VSTM2A: variants seen among roughly 807,000 people sequenced by gnomAD.
The protein encoded by VSTM2A is V-set and transmembrane domain containing 2A, also known as V-set and transmembrane domain-containing protein 2A.
Under a neutral mutation model 27.3 loss-of-function variants are expected in VSTM2A, and 13 were observed. The ratio of observed to expected loss-of-function variants is 0.48; its 90% CI spans 0.31 to 0.76. The LOEUF is 0.76. VSTM2A is among the 30% of genes least tolerant of loss of function. The pLI is 0.05. For missense variants in VSTM2A, 280 were observed against 310.0 expected, an observed-to-expected ratio of 0.90 and a Z score of 0.73; for synonymous variants, 142 against 125.7, an observed-to-expected ratio of 1.13 and a Z score of -0.87.
At chr7:54,552,184 A>G (rs551531320) in intron 4 of VSTM2A, 3 of 152,318 alleles carry the variant, frequency 2.0e-5, no homozygotes, top group African/African-American at 7.2e-5. Context: ...AAAGTGACTC[A>G]TGAAGTCTAT....
intron 4 of VSTM2A, among the ~76,000 whole-genome samples, chr7:54,562,970 CTT>C (rs1262314710): frequency 3.3e-5 from 5 of 152,160 alleles, no homozygotes; most frequent in Non-Finnish European, 1.5e-5. Context: ...TTTAGCAACA[CTT>C]GTCTATATAT....
chr7:54,550,206 C>T (rs556207589), intron 4 of VSTM2A, 36 bp downstream of exon 4: 3 of 1,559,308 alleles, frequency 1.9e-6, no homozygotes, highest in African/African-American at 2.7e-5. Context: ...TATTTTACCA[C>T]TCACAAACGC....
chr7:54,545,124 G>A (rs1453939353), intron 2 of VSTM2A, among the ~76,000 whole-genome samples: 1 of 152,036 alleles, frequency 6.6e-6, no homozygotes, highest in African/African-American at 2.4e-5. Flanking sequence ...AGGACGAAAG[G>A]AGGGGGAGGG....
At position 54,544,676 on chromosome 7, in the gene VSTM2A, A is replaced by T; in HGVS notation, c.134A>T (p.Glu45Val). 1 of 1,612,936 alleles carries T rather than the reference A, an allele frequency of 6.2e-7. No homozygotes were observed. Among genetic ancestry groups the T allele is most frequent in the Non-Finnish European group, 8.5e-7 (1 of 1,179,846 alleles). Residue 45 changes from glutamate (E) to valine (V), a missense_variant, in exon 2 of 5, where the codon GAG (glutamate) becomes GTG (valine). Coordinates refer to ENST00000402613, the MANE Select transcript of VSTM2A (RefSeq NM_001301009.2). ...ACGGCGACCGAGGGGCAGAATGTGG[A>T]GATGTCCTGCGCCTTCCAGAGCGGC... ...NVTATEGQNVEMSCAFQSGSA... is the reference protein window; with the variant it reads ...NVTATEGQNVVMSCAFQSGSA...
intron 2 of VSTM2A, 185 bp from the exon 3 acceptor site, chr7:54,546,762 T>C: frequency 1.7e-6 from 1 of 589,738 alleles, no homozygotes. Context: ...CAGCGTGGGG[T>C]ATGCCAGGGA....
intron 3 of VSTM2A, among the ~76,000 whole-genome samples, chr7:54,547,398 A>G (rs939546104): frequency 3.9e-5 from 6 of 152,206 alleles, no homozygotes; most frequent in Admixed American, 2.6e-4. Context: ...ATCCAACAGG[A>G]TACTGAAATT....
chr7:54,553,871 T>C lies in VSTM2A; in HGVS notation c.634+3701T>C, dbSNP rs761103626. ...GTTTCTTCCTGTCTCATCCAGTGTC[T>C]CCAATCCTTCCAGAAGTCAAACATC... On this transcript the variant is annotated intron_variant, in intron 4 of 4. Coordinates refer to ENST00000402613, the MANE Select transcript of VSTM2A (RefSeq NM_001301009.2). 9.0e-6 allele frequency: 14 copies of C among 1,551,238 alleles called. No homozygotes were observed. The South Asian group carries it at 1.7e-4, about 18-fold the overall frequency.
rs1787826051 is a variant in VSTM2A at position 54,542,790 on chromosome 7, A to G, written c.60A>G (p.Gln20=). 6.2e-7 allele frequency: 1 copy of G among 1,613,732 alleles called. No homozygotes were observed. Among genetic ancestry groups the G allele is most frequent in the Non-Finnish European group, 8.5e-7 (1 of 1,179,838 alleles). ...TTTTCTTTTCCGTTTTATATGTACAACAAGGGCTTTCTTCTCAAGGTAAGT... is the reference window on the plus strand; with the variant it reads ...TTTTCTTTTCCGTTTTATATGTACAGCAAGGGCTTTCTTCTCAAGGTAAGT... ...GFVFFSVLYV[Q]QGLSSQAKFT... is the part of the protein sequence containing the mutation. Residue 20 remains glutamine, a synonymous_variant, in exon 1 of 5, where the codon CAA becomes CAG. Coordinates refer to ENST00000402613, the MANE Select transcript of VSTM2A (RefSeq NM_001301009.2).
At chr7:54,556,502 C>A (rs1389708760) in intron 4 of VSTM2A, among the ~76,000 whole-genome samples, 1 of 152,130 alleles carries the variant, frequency 6.6e-6, no homozygotes, top group African/African-American at 2.4e-5. Context: ...GTAAATGGTG[C>A]ACTGCTTTGA....
chr7:54,553,409 G>A (rs1179888234), intron 4 of VSTM2A, among the ~76,000 whole-genome samples: 1 of 152,158 alleles, frequency 6.6e-6, no homozygotes, highest in East Asian at 1.9e-4. Context: ...ACACTCTCCA[G>A]TTTTGTGTAC....
chr7:54,544,750 G>A lies in VSTM2A; in HGVS notation c.208G>A (p.Glu70Lys), dbSNP rs147100383. Reference protein sequence around the residue: ...EIQWWFLRGPEDLDPGAEGAG... With the variant: ...EIQWWFLRGPKDLDPGAEGAG... ...CCAATGGTGGTTCCTGCGGGGGCCG[G>A]AGGACCTGGATCCCGGGGCCGAGGG... Residue 70 changes from glutamate (E) to lysine (K), a missense_variant, in exon 2 of 5, where the codon GAG becomes AAG. Glu to Lys is a moderately conservative substitution (Grantham distance 56). Transcript: ENST00000402613. 6 of 1,612,262 alleles carry A rather than the reference G, an allele frequency of 3.7e-6. No individual in the cohort carries two copies. Among genetic ancestry groups the A allele is most frequent in the Admixed American group, 3.3e-5 (2 of 60,014 alleles).
rs752386677 is a variant in VSTM2A at position 54,569,148 on chromosome 7, G to A, written c.652G>A (p.Val218Ile). The change falls in exon 5 of 5, where the codon GTA becomes ATA. Residue 218 changes from valine (V) to isoleucine (I), a missense_variant. Transcript: ENST00000402613. The part of the protein sequence containing the change: ...SPQSAKSKSP[V>I]KSTERTAKLT... The stretch of plus-strand genomic sequence containing the variant: ...TCTTAAAGCAAAGAGCAAATCGCCT[G>A]TAAAATCTACGGAGCGGACAGCAAA... 3 of 1,557,446 alleles carry A rather than the reference G, an allele frequency of 1.9e-6. No homozygotes were observed.
Position 54,544,742 on chromosome 7 carries a change from G to C in VSTM2A, c.200G>C (p.Arg67Pro), listed in dbSNP as rs1214201655. 1 of 1,612,362 alleles carries C rather than the reference G, an allele frequency of 6.2e-7. No homozygotes were observed. Among genetic ancestry groups the C allele is most frequent in the Non-Finnish European group, 8.5e-7 (1 of 1,179,714 alleles). Residue 67 changes from arginine to proline, a missense_variant, in exon 2 of 5, where the codon CGG becomes CCG. Physicochemically the swap from Arg to Pro is moderately radical, Grantham distance 103. Coordinates refer to ENST00000402613, the MANE Select transcript of VSTM2A (RefSeq NM_001301009.2). ...CTGGAGATCCAATGGTGGTTCCTGC[G>C]GGGGCCGGAGGACCTGGATCCCGGG... ...VYLEIQWWFL[R>P]GPEDLDPGAE...
intron 2 of VSTM2A, 126 bp from the exon 3 acceptor site, chr7:54,546,821 C>CTGGTCGCTCCCCTGTCCCT: frequency 7.6e-7 from 1 of 1,322,462 alleles, no homozygotes; most frequent in Non-Finnish European, 1.0e-6. Context: ...GGCCACGCCC[C>CTGGTCGCTCCCCTGTCCCT]TGGTCGCTCC....
intron 4 of VSTM2A, among the ~76,000 whole-genome samples, chr7:54,552,909 T>C (rs1788237483): frequency 6.6e-6 from 1 of 152,262 alleles, no homozygotes; most frequent in Non-Finnish European, 1.5e-5. Context: ...ATCTTTGACT[T>C]AGTTGACTAA....
intron 4 of VSTM2A, chr7:54,553,933 CTCTG>C: frequency 6.4e-7 from 1 of 1,551,552 alleles, no homozygotes; most frequent in Non-Finnish European, 8.7e-7. Context: ...CCTTTCTTCT[CTCTG>C]TCTTCACTTT....
At chr7:54,561,306 G>A (rs1216897725) in intron 4 of VSTM2A, among the ~76,000 whole-genome samples, 1 of 152,136 alleles carries the variant, frequency 6.6e-6, no homozygotes, top group Non-Finnish European at 1.5e-5. Flanking sequence ...TTTGGTTTAT[G>A]TATAGTGCAA....
At chr7:54,543,355 T>C (rs369671401) in intron 1 of VSTM2A, among the ~76,000 whole-genome samples, 3 of 152,132 alleles carry the variant, frequency 2.0e-5, no homozygotes, top group African/African-American at 7.2e-5. Flanking sequence ...CAGGACTTCG[T>C]AGGCTGCAGT....
chr7:54,557,185 A>G (rs1182699419), intron 4 of VSTM2A: 2 of 151,980 alleles, frequency 1.3e-5, no homozygotes, highest in Admixed American at 1.3e-4. Context: ...GCAGGGACAC[A>G]CTCCTCAGAC....
Sources: gnomAD v4.1 joint callset for allele counts (sites outside exome capture counted in the v4.1 genomes callset) on GRCh38, gnomAD v4.1.1 for gene constraint, MANE v1.5 for transcripts, NCBI Gene and HGNC (gene_info 2026-07-23, HGNC 2026-07-21) for gene names.